EFNA5: variants seen among roughly 807,000 people sequenced by gnomAD.
EFNA5 encodes ephrin-A5.
In EFNA5, 5 loss-of-function variants were observed where a neutral mutation model predicts 22.9. That is an observed-to-expected ratio of 0.22 (90% CI 0.11 to 0.46). The LOEUF is 0.46. Ranked by LOEUF, EFNA5 falls within the 20% of genes least tolerant of loss-of-function variation. The pLI, the probability that EFNA5 is intolerant of heterozygous loss-of-function variation, is 0.99. For synonymous variants in EFNA5, 113 were observed against 112.2 expected (o/e 1.01, Z -0.04); for missense variants, 237 against 293.3 (o/e 0.81, Z 1.40).
intron 1 of EFNA5, among the ~76,000 whole-genome samples, chr5:107,470,610 A>G (rs955613884): frequency 2.0e-5 from 3 of 152,210 alleles, no homozygotes; most frequent in African/African-American, 4.8e-5. Flanking sequence ...ATGTGCCTCT[A>G]AATTCTATAT....
intron 1 of EFNA5, among the ~76,000 whole-genome samples, chr5:107,487,201 A>G (rs2112408501): frequency 6.6e-6 from 1 of 152,190 alleles, no homozygotes; most frequent in Non-Finnish European, 1.5e-5. Flanking sequence ...ACTGGGACAC[A>G]CTGCTGTGCC....
At chr5:107,461,706 A>G (rs1749840756) in intron 1 of EFNA5, among the ~76,000 whole-genome samples, 1 of 152,148 alleles carries the variant, frequency 6.6e-6, no homozygotes, top group African/African-American at 2.4e-5. Flanking sequence ...ACAAGGCATT[A>G]TTTTTAAAAG....
chr5:107,660,964 T>C (rs545717979), intron 1 of EFNA5, among the ~76,000 whole-genome samples: 1 of 152,192 alleles, frequency 6.6e-6, no homozygotes, highest in African/African-American at 2.4e-5. Flanking sequence ...ATTGAAGCAG[T>C]AACAGTAAAC....
At chr5:107,485,134 T>C (rs561456801) in intron 1 of EFNA5, among the ~76,000 whole-genome samples, 30 of 152,334 alleles carry the variant, frequency 2.0e-4, no homozygotes, top group African/African-American at 6.5e-4. Flanking sequence ...GAATTCCTAA[T>C]CCTGTTCTTT....
At chr5:107,497,789 T>C (rs1164343095) in intron 1 of EFNA5, among the ~76,000 whole-genome samples, 6 of 152,244 alleles carry the variant, frequency 3.9e-5, no homozygotes, top group Admixed American at 3.3e-4. Flanking sequence ...TTTTCCTTTC[T>C]TCCACAAACT....
At chr5:107,410,135 C>G (rs1748327348) in intron 2 of EFNA5, among the ~76,000 whole-genome samples, 1 of 150,428 alleles carries the variant, frequency 6.6e-6, no homozygotes, top group Non-Finnish European at 1.5e-5. Flanking sequence ...TCACACCATT[C>G]TCCTGCCTCA....
intron 1 of EFNA5, among the ~76,000 whole-genome samples, chr5:107,509,573 C>T (rs972421528): frequency 1.3e-5 from 2 of 151,254 alleles, no homozygotes; most frequent in South Asian, 2.1e-4. Flanking sequence ...CCTCGTGATC[C>T]GCCCGCCTTG....
intron 1 of EFNA5, among the ~76,000 whole-genome samples, chr5:107,516,303 G>T (rs1054857773): frequency 1.3e-5 from 2 of 151,954 alleles, no homozygotes; most frequent in Non-Finnish European, 2.9e-5. Flanking sequence ...CTCCCAAAGT[G>T]CTGGGATTAT....
At chr5:107,410,104 T>C (rs866716647) in intron 2 of EFNA5, among the ~76,000 whole-genome samples, 1 of 146,876 alleles carries the variant, frequency 6.8e-6, no homozygotes, top group Non-Finnish European at 1.5e-5. Context: ...TCTCGGTTCA[T>C]GCAAGCTCCG....
intron 1 of EFNA5, among the ~76,000 whole-genome samples, chr5:107,554,424 GGT>G (rs199953434): frequency 0.012 from 1,753 of 152,256 alleles, 33 homozygotes; most frequent in African/African-American, 0.039. Flanking sequence ...TATTACTGCT[GGT>G]GATTCTTCTA....
chr5:107,434,968 T>C (rs1749067333), intron 1 of EFNA5, among the ~76,000 whole-genome samples: 1 of 152,232 alleles, frequency 6.6e-6, no homozygotes, highest in Non-Finnish European at 1.5e-5. Flanking sequence ...TGATTTATGG[T>C]CAAAGATTAA....
At chr5:107,427,155 G>GT in intron 2 of EFNA5, 62 bp downstream of exon 2, 1 of 1,581,352 alleles carries the variant, frequency 6.3e-7, no homozygotes. Flanking sequence ...TGAAACATGG[G>GT]TAAAAAATTA....
At chr5:107,446,505 T>A (rs994368687) in intron 1 of EFNA5, among the ~76,000 whole-genome samples, 1 of 152,036 alleles carries the variant, frequency 6.6e-6, no homozygotes, top group Middle Eastern at 3.2e-3. Flanking sequence ...ATCCCAGCAC[T>A]TTGGGAGGCT....
At chr5:107,527,548 G>A (rs1024750572) in intron 1 of EFNA5, among the ~76,000 whole-genome samples, 2 of 152,100 alleles carry the variant, frequency 1.3e-5, no homozygotes, top group East Asian at 3.9e-4. Context: ...GCCTCCCGAA[G>A]TGCTGAGATT....
At chr5:107,426,938 G>A in intron 2 of EFNA5, 1 of 330,020 alleles carries the variant, frequency 3.0e-6, no homozygotes, top group Non-Finnish European at 5.5e-6. Flanking sequence ...CCTGAGCTTT[G>A]GAGAAGTCCT....
At chr5:107,563,322 T>A (rs908149737) in intron 1 of EFNA5, among the ~76,000 whole-genome samples, 2 of 152,058 alleles carry the variant, frequency 1.3e-5, no homozygotes, top group Non-Finnish European at 2.9e-5. Flanking sequence ...AACCTGGGAG[T>A]CATCTCACCA....
At chr5:107,540,713 G>T (rs1748028495) in intron 1 of EFNA5, among the ~76,000 whole-genome samples, 1 of 152,138 alleles carries the variant, frequency 6.6e-6, no homozygotes, top group Non-Finnish European at 1.5e-5. Context: ...ATACTTTAAA[G>T]ATCTTAAAAA....
intron 2 of EFNA5, among the ~76,000 whole-genome samples, chr5:107,411,794 C>T (rs1360628073): frequency 6.6e-6 from 1 of 152,164 alleles, no homozygotes; most frequent in Non-Finnish European, 1.5e-5. Flanking sequence ...CATTGTTGCC[C>T]AGGCTGGGCT....
chr5:107,461,832 T>A (rs1036174437), intron 1 of EFNA5, among the ~76,000 whole-genome samples: 5 of 152,144 alleles, frequency 3.3e-5, no homozygotes, highest in Non-Finnish European at 7.4e-5. Flanking sequence ...AAAAAAAGCA[T>A]CTGTAATTTA....
Sources: allele counts gnomAD v4.1 joint callset (sites outside exome capture counted in the v4.1 genomes callset), GRCh38; gene constraint gnomAD v4.1.1; transcripts MANE v1.5; gene names NCBI Gene and HGNC (gene_info 2026-07-23, HGNC 2026-07-21).